FRMPD3: variants seen among roughly 807,000 people sequenced by gnomAD.
The protein encoded by FRMPD3 is FERM and PDZ domain-containing protein 3.
FRMPD3 carries 42 observed loss-of-function variants against 97.9 expected under a neutral mutation model. That is an observed-to-expected ratio of 0.43 (90% CI 0.34 to 0.55). FRMPD3 has a LOEUF of 0.55. Among genes scored for constraint, FRMPD3 ranks in the 20% least tolerant of loss-of-function variants. The pLI, the probability that FRMPD3 is intolerant of heterozygous loss-of-function variation, is 0.03. For missense variants in FRMPD3, 1,303 were observed against 1,457.7 expected (o/e 0.89, Z 1.73); for synonymous variants, 577 against 581.1 (o/e 0.99, Z 0.10).
rs1250404034 is a variant in FRMPD3, at chrX:107,462,180, A to G, written c.-8+12175A>G. On this transcript the variant is annotated intron_variant, in intron 1 of 14. Coordinates refer to ENST00000683843, the MANE Select transcript of FRMPD3 (RefSeq NM_001388459.1). Reference sequence around the variant, plus strand: ...GAGAATACAGAAAAATATAGAGGAAAAAAAAGCACCCAATTCCACCTCTTC... The same window carrying G: ...GAGAATACAGAAAAATATAGAGGAAGAAAAAGCACCCAATTCCACCTCTTC... 6.3e-5 allele frequency among the ~76,000 whole-genome samples: 7 copies of G among 111,998 alleles called. No individual in the cohort carries two copies. The Admixed American group carries it at 6.7e-4, about 11-fold the overall frequency.
intron 2 of FRMPD3, among the ~76,000 whole-genome samples, chrX:107,526,991 A>G (rs943242750): frequency 8.9e-6 from 1 of 111,818 alleles, no homozygotes; most frequent in Admixed American, 9.5e-5. Context: ...GTCTTAATAA[A>G]GCTTCCCTTT....
chrX:107,566,567 A>T (rs756521403), intron 12 of FRMPD3, among the ~76,000 whole-genome samples: 1 of 112,637 alleles, frequency 8.9e-6, no homozygotes, highest in Admixed American at 9.4e-5. Flanking sequence ...AAAGGGGTTT[A>T]AAATAGAGAC....
chrX:107,580,330 C>A (rs773116783), intron 13 of FRMPD3, among the ~76,000 whole-genome samples: 8 of 111,934 alleles, frequency 7.1e-5, no homozygotes, highest in African/African-American at 1.6e-4. Context: ...GCCAGCCACA[C>A]CTGGCATTTT....
chrX:107,530,295 C>T lies in FRMPD3; in HGVS notation c.149-114C>T, dbSNP rs1569416700. 5.5e-5 allele frequency: 29 copies of T among 529,903 alleles called. No homozygotes were observed. The East Asian group carries it at 1.1e-3, about 19-fold the overall frequency. 43.7% of individuals were successfully genotyped at this position (529,903 alleles called of 1,213,427 possible). On this transcript the variant is annotated intron_variant, in intron 2 of 14. Transcript: ENST00000683843. ...TACACCACCACAGCTCAGCCTGCAC[C>T]ATCTCCAGGCCTCAGCACCTGCTTC...
intron 1 of FRMPD3, among the ~76,000 whole-genome samples, chrX:107,477,493 T>C (rs757066308): frequency 2.3e-4 from 26 of 112,746 alleles, no homozygotes; most frequent in African/African-American, 8.4e-4. Flanking sequence ...TGATAAACTA[T>C]GAATTTTATG....
Position 107,526,603 on chromosome X carries a change from C to T in FRMPD3, c.15C>T (p.Ser5=), listed in dbSNP as rs759106623. The change falls in exon 2 of 15, where the codon AGC becomes AGT. Residue 5 remains serine (S), a synonymous_variant. Transcript: ENST00000683843. MQEE[S]ANDMECEQLP... ...CCAGTCATGTGATGCAGGAAGAGAG[C>T]GCAAATGATATGGAATGTGAGCAGC... 193 of 1,198,993 alleles carry T rather than the reference C, an allele frequency of 1.6e-4. No individual in the cohort carries two copies. In the Middle Eastern group the frequency reaches 1.6e-3, roughly 10 times the overall value.
At chrX:107,453,134 A>G (rs181325478) in intron 1 of FRMPD3, among the ~76,000 whole-genome samples, 35 of 111,728 alleles carry the variant, frequency 3.1e-4, no homozygotes, top group Admixed American at 6.6e-4. Flanking sequence ...AACAGAGGAA[A>G]GATCCCTGTT....
At position 107,597,624 on chromosome X, in the gene FRMPD3, C is replaced by G. The variant is rs778835068; in HGVS notation, c.1745C>G (p.Ala582Gly). The G allele has an allele frequency of 9.9e-6, 12 of 1,210,992 alleles. No individual in the cohort carries two copies. The Admixed American group carries it at 2.2e-4, about 22-fold the overall frequency. ...GYEVVPDDFD[A>G]ASLDHEPCAS... ...GAGGTAGTCCCTGATGACTTTGATG[C>G]AGCTAGCCTAGACCACGAGCCTTGT... Residue 582 changes from alanine to glycine, a missense_variant, in exon 14 of 15, where the codon GCA (alanine) becomes GGA (glycine). Physicochemically the swap from Ala to Gly is moderately conservative, Grantham distance 60 (BLOSUM62 0). This residue lies in a region of FRMPD3 where 535 missense variants were observed against 618.6 expected (regional missense o/e 0.86). Coordinates refer to ENST00000683843, the MANE Select transcript of FRMPD3 (RefSeq NM_001388459.1).
At chrX:107,595,937 C>CA (rs377196495) in intron 13 of FRMPD3, among the ~76,000 whole-genome samples, 982 of 51,327 alleles carry the variant, frequency 0.019, 7 homozygotes, top group African/African-American at 0.041. Context: ...GACTCCGTCT[C>CA]AAAAAAAAAA....
rs372678985 is a variant in FRMPD3, at chrX:107,602,970, G to A, written c.4931G>A (p.Arg1644His). 51 of 1,209,870 alleles carry A rather than the reference G, an allele frequency of 4.2e-5. No individual in the cohort carries two copies. The highest frequency in any genetic ancestry group is 5.2e-5 in the African/African-American group (3 of 57,465). The part of the protein sequence containing the change: ...KFKELRASCR[R>H]VANVDKSPTH... Reference sequence around the variant, plus strand: ...AAGGAGCTCCGGGCCTCCTGCCGCCGTGTGGCCAATGTGGACAAGAGCCCA... The same window carrying A: ...AAGGAGCTCCGGGCCTCCTGCCGCCATGTGGCCAATGTGGACAAGAGCCCA... Residue 1644 changes from arginine to histidine, a missense_variant, in exon 15 of 15, where the codon CGT (arginine) becomes CAT (histidine). Physicochemically the swap from Arg to His is conservative, Grantham distance 29 (BLOSUM62 0). Coordinates refer to ENST00000683843, the MANE Select transcript of FRMPD3 (RefSeq NM_001388459.1).
intron 13 of FRMPD3, among the ~76,000 whole-genome samples, chrX:107,588,512 C>T (rs1316055901): frequency 1.8e-5 from 2 of 111,931 alleles, no homozygotes; most frequent in Non-Finnish European, 3.8e-5. Context: ...CCTCAGCCTC[C>T]TAAAGTTCTG....
intron 13 of FRMPD3, among the ~76,000 whole-genome samples, chrX:107,589,528 T>C (rs1212820594): frequency 2.7e-5 from 3 of 110,470 alleles, no homozygotes; most frequent in African/African-American, 9.9e-5. Flanking sequence ...TTCCTCTCCA[T>C]GGATCATGCC....
At chrX:107,570,122 G>GAGGA (rs200412783) in intron 12 of FRMPD3, among the ~76,000 whole-genome samples, 2 of 93,835 alleles carry the variant, frequency 2.1e-5, no homozygotes, top group Non-Finnish European at 4.0e-5. Context: ...AAAAGAGAGC[G>GAGGA]AGGAAGGAAG....
intron 1 of FRMPD3, among the ~76,000 whole-genome samples, chrX:107,467,011 T>C (rs887015240): frequency 1.5e-3 from 160 of 107,665 alleles, no homozygotes; most frequent in Non-Finnish European, 1.9e-3. Context: ...TGTGTGTGTG[T>C]GTGTGTGTGT....
chrX:107,539,823 T>A (rs1387182181), intron 4 of FRMPD3, among the ~76,000 whole-genome samples: 2 of 111,182 alleles, frequency 1.8e-5, no homozygotes, highest in Non-Finnish European at 3.8e-5. Context: ...TACAGCCTGG[T>A]TGGGGATGTG....
chrX:107,526,500 C>A (rs1241438101), intron 1 of FRMPD3, 82 bp from the exon 2 acceptor site: 1 of 952,798 alleles, frequency 1.0e-6, no homozygotes, highest in Non-Finnish European at 1.4e-6. Context: ...GGGCCAGAAC[C>A]CTAACTGGCA....
intron 1 of FRMPD3, among the ~76,000 whole-genome samples, chrX:107,461,703 A>G (rs1931475075): frequency 9.0e-6 from 1 of 110,513 alleles, no homozygotes; most frequent in Non-Finnish European, 1.9e-5. Flanking sequence ...TATATCAAAT[A>G]GAAGCTCCTC....
intron 13 of FRMPD3, among the ~76,000 whole-genome samples, chrX:107,589,326 T>G (rs924578686): frequency 9.0e-6 from 1 of 111,469 alleles, no homozygotes; most frequent in Admixed American, 9.6e-5. Flanking sequence ...CTGTTTGTTT[T>G]TCTTTCAATG....
chrX:107,518,761 C>G (rs1250910712), intron 1 of FRMPD3, among the ~76,000 whole-genome samples: 2 of 111,964 alleles, frequency 1.8e-5, no homozygotes, highest in Admixed American at 1.9e-4. Flanking sequence ...AATACAGGGG[C>G]TGCAACAGAT....
Sources: allele counts gnomAD v4.1 joint callset (sites outside exome capture counted in the v4.1 genomes callset), GRCh38; gene constraint gnomAD v4.1.1; regional missense constraint gnomAD v4.1.1; transcripts MANE v1.5; gene names NCBI Gene and HGNC (gene_info 2026-07-23, HGNC 2026-07-21).